The following IQANK1 variants were observed in gnomAD, a reference collection of about 807,000 sequenced individuals.
The protein encoded by IQANK1 is IQ motif and ankyrin repeat domain-containing protein 1.
In IQANK1, 30 loss-of-function variants were observed where a neutral mutation model predicts 22.6. The ratio of observed to expected loss-of-function variants is 1.33; its 90% confidence interval spans 0.99 to 1.80. The LOEUF (loss-of-function observed/expected upper bound fraction) is 1.80. IQANK1 is among the 40% of genes most tolerant of loss of function. The pLI is 0.00. For missense variants in IQANK1, 275 were observed against 235.2 expected (o/e 1.17, Z -1.11); for synonymous variants, 122 against 99.6 (o/e 1.23, Z -1.34).
intron 2 of IQANK1, among the ~76,000 whole-genome samples, chr8:143,737,650 GC>G (rs2129749115): frequency 6.6e-6 from 1 of 152,294 alleles, no homozygotes; most frequent in Non-Finnish European, 1.5e-5. Flanking sequence ...GCCTTACCTG[GC>G]CTTGGGTCTG....
At position 143,734,199 on chromosome 8, in the gene IQANK1, T is replaced by TG. The variant is rs1308006171; in HGVS notation, c.-20dup. On this transcript the variant is annotated 5_prime_UTR_variant, in exon 1 of 14. Coordinates refer to ENST00000527139, the MANE Select transcript of IQANK1 (RefSeq NM_001381874.1). The stretch of plus-strand genomic sequence containing the variant: ...CGGAGCTCTGGCCTCCTCGCCGAGT[T>TG]GGGGGAGGCAGGTGCGACAGGTGAG... The TG allele has an allele frequency of 6.6e-6, 1 of 152,034 alleles. No homozygotes were observed. Among genetic ancestry groups the TG allele is most frequent in the Non-Finnish European group, 1.5e-5 (1 of 68,010 alleles). 9.4% of individuals were successfully genotyped at this position (152,034 alleles called of 1,614,324 possible). A position where few individuals can be genotyped will look rare whatever the true frequency, so the allele number is the denominator to read the frequency against.
intron 3 of IQANK1, among the ~76,000 whole-genome samples, chr8:143,753,430 CCAT>C (rs1169063257): frequency 6.6e-6 from 1 of 151,294 alleles, no homozygotes; most frequent in Non-Finnish European, 1.5e-5. Context: ...AGTAGCCATG[CCAT>C]CAAGGTTATT....
At chr8:143,748,327 T>A (rs1819074825) in intron 3 of IQANK1, among the ~76,000 whole-genome samples, 1 of 151,056 alleles carries the variant, frequency 6.6e-6, no homozygotes. Context: ...CTTCTTATCT[T>A]CTGCCTGGTG....
At chr8:143,745,282 C>T (rs1377686061) in intron 3 of IQANK1, 1 of 152,248 alleles carries the variant, frequency 6.6e-6, no homozygotes, top group Non-Finnish European at 1.5e-5. Context: ...CAACACCCTA[C>T]TGACCTTGTC....
At chr8:143,740,659 G>A (rs1193735438) in intron 3 of IQANK1, among the ~76,000 whole-genome samples, 1 of 152,216 alleles carries the variant, frequency 6.6e-6, no homozygotes, top group Admixed American at 6.5e-5. Flanking sequence ...TGACCCTGGT[G>A]CGCCCCTGCT....
At chr8:143,762,949 T>C (rs2129880488) in intron 3 of IQANK1, among the ~76,000 whole-genome samples, 1 of 151,846 alleles carries the variant, frequency 6.6e-6, no homozygotes, top group Non-Finnish European at 1.5e-5. Flanking sequence ...TCTTTTTTTT[T>C]CTTTTCTCTT....
At chr8:143,762,462 C>T (rs553701015) in intron 3 of IQANK1, among the ~76,000 whole-genome samples, 66 of 152,336 alleles carry the variant, frequency 4.3e-4, no homozygotes, top group African/African-American at 1.4e-3. Flanking sequence ...GGACATCTCA[C>T]TAGGCAGCCA....
chr8:143,750,565 G>A (rs1819169422), intron 3 of IQANK1, among the ~76,000 whole-genome samples: 1 of 152,148 alleles, frequency 6.6e-6, no homozygotes, highest in Non-Finnish European at 1.5e-5. Context: ...ACTGGGCACA[G>A]TGGTTCATGC....
chr8:143,750,810 C>T (rs1265115293), intron 3 of IQANK1, among the ~76,000 whole-genome samples: 1 of 152,068 alleles, frequency 6.6e-6, no homozygotes, highest in Non-Finnish European at 1.5e-5. Flanking sequence ...CAAGAACCCA[C>T]CTCTAAAAAA....
chr8:143,756,910 T>C (rs1221264946), intron 3 of IQANK1, among the ~76,000 whole-genome samples: 2 of 150,330 alleles, frequency 1.3e-5, no homozygotes, highest in Non-Finnish European at 1.5e-5. Flanking sequence ...TCTTGGGAGG[T>C]CAAGCTGCAG....
chr8:143,773,323 A>C (rs1480034063), intron 7 of IQANK1, among the ~76,000 whole-genome samples: 7 of 137,856 alleles, frequency 5.1e-5, no homozygotes, highest in African/African-American at 2.2e-4. Flanking sequence ...AAAACAAAAA[A>C]AACACAAAAA....
chr8:143,757,773 T>G (rs1383407050), intron 3 of IQANK1, among the ~76,000 whole-genome samples: 1 of 152,178 alleles, frequency 6.6e-6, no homozygotes, highest in Non-Finnish European at 1.5e-5. Context: ...CTCAGCCTTT[T>G]GAGTAGCTAG....
intron 3 of IQANK1, among the ~76,000 whole-genome samples, chr8:143,752,793 T>C (rs1340463152): frequency 2.0e-5 from 3 of 152,212 alleles, no homozygotes; most frequent in African/African-American, 7.2e-5. Flanking sequence ...AGCTATACCA[T>C]GTAGGCTTGT....
intron 7 of IQANK1, 25 bp downstream of exon 7, chr8:143,772,507 C>T (rs533674721): frequency 5.0e-6 from 2 of 398,890 alleles, no homozygotes; most frequent in Non-Finnish European, 8.8e-6. Context: ...GGTGTGGGCC[C>T]CGGGAGGTGT....
chr8:143,734,859 AC>A (rs1375066428), intron 1 of IQANK1, among the ~76,000 whole-genome samples: 1 of 121,382 alleles, frequency 8.2e-6, no homozygotes, highest in Admixed American at 8.4e-5. Flanking sequence ...CCCACACACC[AC>A]CCCGAGCTGC....
At chr8:143,768,677 C>T (rs541894315) in intron 3 of IQANK1, among the ~76,000 whole-genome samples, 18 of 152,176 alleles carry the variant, frequency 1.2e-4, no homozygotes, top group African/African-American at 4.1e-4. Context: ...GACTCACTGA[C>T]GTTTATTTTG....
intron 7 of IQANK1, among the ~76,000 whole-genome samples, chr8:143,782,110 G>A (rs1180948396): frequency 5.3e-5 from 8 of 152,030 alleles, no homozygotes; most frequent in African/African-American, 9.7e-5. Flanking sequence ...TTTGGCATTC[G>A]GCTTGGCTGT....
At chr8:143,757,343 T>TC (rs1168019200) in intron 3 of IQANK1, among the ~76,000 whole-genome samples, 2 of 142,414 alleles carry the variant, frequency 1.4e-5, no homozygotes, top group Non-Finnish European at 3.1e-5. Context: ...GTCTTTCTTT[T>TC]TTTTTTTTTT....
intron 3 of IQANK1, chr8:143,744,364 CGAGGCAGGGAAG>C (rs1818987117): frequency 6.5e-6 from 1 of 152,704 alleles, no homozygotes; most frequent in African/African-American, 2.4e-5. Context: ...AGCCCCAAGA[CGAGGCAGGGAAG>C]GAGTGCTGCT....
Sources: allele counts gnomAD v4.1 joint callset (sites outside exome capture counted in the v4.1 genomes callset), GRCh38; gene constraint gnomAD v4.1.1; transcripts MANE v1.5; gene names NCBI Gene and HGNC (gene_info 2026-07-23, HGNC 2026-07-21).